The following PPP2R2B variants were observed in gnomAD, a reference collection of about 807,000 sequenced individuals.
PPP2R2B encodes protein phosphatase 2 regulatory subunit Bbeta.
A neutral mutation model predicts 46.0 loss-of-function variants in PPP2R2B; 5 were observed. The ratio of observed to expected loss-of-function variants is 0.11; its 90% CI spans 0.06 to 0.23. The LOEUF (loss-of-function observed/expected upper bound fraction) is 0.23. PPP2R2B is among the 10% of genes least tolerant of loss of function. The pLI, the probability that PPP2R2B is intolerant of heterozygous loss-of-function variation, is 1.00. For missense variants in PPP2R2B, 367 were observed against 575.0 expected (o/e 0.64, Z 3.70); for synonymous variants, 215 against 206.7 (o/e 1.04, Z -0.34).
chr5:146,593,010 A>G lies in PPP2R2B; in HGVS notation c.1013T>C (p.Ile338Thr). The change falls in exon 9 of 10, where the codon ATT becomes ACT. Residue 338 changes from isoleucine (I) to threonine (T), a missense_variant. Coordinates refer to ENST00000394411, the MANE Select transcript of PPP2R2B (RefSeq NM_181675.4). ...CCACACACACTCAAATTTATCAAAA[A>G]TGCAGTCATTTTCATAGAGGGAACA... ...KLCSLYENDC[I>T]FDKFECVWNG... 6.2e-7 allele frequency: 1 copy of G among 1,614,058 alleles called. No homozygotes were observed. Among genetic ancestry groups the G allele is most frequent in the Non-Finnish European group, 8.5e-7 (1 of 1,179,892 alleles).
chr5:147,038,682 C>G (rs1024280666), intron 1 of PPP2R2B, among the ~76,000 whole-genome samples: 14 of 152,026 alleles, frequency 9.2e-5, no homozygotes, highest in African/African-American at 2.9e-4. Flanking sequence ...GTTCATTATC[C>G]CAGTTTATCA....
chr5:147,022,522 T>G (rs1297130220), intron 1 of PPP2R2B, among the ~76,000 whole-genome samples: 2 of 151,462 alleles, frequency 1.3e-5, no homozygotes, highest in Admixed American at 1.3e-4. Context: ...ATCATGCCAC[T>G]GCACTCCAGC....
At chr5:146,972,319 G>A (rs1040327346) in intron 1 of PPP2R2B, among the ~76,000 whole-genome samples, 1 of 152,166 alleles carries the variant, frequency 6.6e-6, no homozygotes, top group African/African-American at 2.4e-5. Context: ...GTGGATTTAA[G>A]GTAGTGTTTG....
At chr5:147,009,443 A>G in intron 1 of PPP2R2B, among the ~76,000 whole-genome samples, 1 of 152,170 alleles carries the variant, frequency 6.6e-6, no homozygotes. Context: ...CTTTGAAAGC[A>G]GATAATCTAA....
chr5:146,609,516 C>G lies in PPP2R2B; in HGVS notation c.791-9056G>C, dbSNP rs190299271. Among the ~76,000 whole-genome samples, 1,194 of 152,272 alleles carry G rather than the reference C, an allele frequency of 7.8e-3. 19 individuals are homozygous for G. Among genetic ancestry groups the G allele is most frequent in the African/African-American group, 0.027 (1,128 of 41,564 alleles). ...CAAGATGGCCGAATAGGAACAGCTC[C>G]GGTCTACAGCTCCCAGCGTGAGCGA... On this transcript the variant is annotated intron_variant, in intron 7 of 9. Coordinates refer to ENST00000394411, the MANE Select transcript of PPP2R2B (RefSeq NM_181675.4).
At chr5:146,745,177 A>AGT (rs1205763390) in intron 2 of PPP2R2B, among the ~76,000 whole-genome samples, 1 of 111,514 alleles carries the variant, frequency 9.0e-6, no homozygotes, top group East Asian at 2.4e-4. Context: ...AGAGAGAGAG[A>AGT]GAGAGAGAGA....
At chr5:146,914,830 T>G (rs961123377) in intron 1 of PPP2R2B, among the ~76,000 whole-genome samples, 1 of 152,206 alleles carries the variant, frequency 6.6e-6, no homozygotes, top group Non-Finnish European at 1.5e-5. Context: ...AGTTGGCATA[T>G]CTTGTGTGGT....
intron 2 of PPP2R2B, among the ~76,000 whole-genome samples, chr5:146,861,806 C>T (rs1761018993): frequency 6.7e-6 from 1 of 149,752 alleles, no homozygotes; most frequent in South Asian, 2.1e-4. Context: ...TTTACATACC[C>T]TTTTTATCAT....
At position 146,589,255 on chromosome 5, in the gene PPP2R2B, C is replaced by CTCTT. The variant is rs1204168130; in HGVS notation, c.*688_*691dup. On this transcript the variant is annotated 3_prime_UTR_variant, in exon 10 of 10. Transcript: ENST00000394411. ...TGGGAAGCACTGTGTCGAAAGTGCT[C>CTCTT]TCTTTCTGTCCCCTGAAGCATTCAA... The CTCTT allele has an allele frequency of 6.6e-6, 1 of 152,244 alleles. No homozygotes were observed. The highest frequency in any genetic ancestry group is 2.4e-5 in the African/African-American group (1 of 41,438). The allele number at this position is 152,244 out of a possible 1,614,324, so 9.4% of individuals were successfully genotyped here. A position where few individuals can be genotyped will look rare whatever the true frequency, so the allele number is the denominator to read the frequency against.
intron 2 of PPP2R2B, among the ~76,000 whole-genome samples, chr5:146,850,291 C>A (rs1394174382): frequency 1.3e-5 from 2 of 152,088 alleles, no homozygotes; most frequent in African/African-American, 2.4e-5. Flanking sequence ...TATTCTAGAC[C>A]CTTTCCAATC....
chr5:146,778,900 G>A (rs1755342229), intron 2 of PPP2R2B, among the ~76,000 whole-genome samples: 1 of 152,182 alleles, frequency 6.6e-6, no homozygotes, highest in East Asian at 1.9e-4. Flanking sequence ...GCCCATCTAT[G>A]GAAAAACAGA....
At chr5:146,985,325 T>C (rs940527716) in intron 1 of PPP2R2B, among the ~76,000 whole-genome samples, 1 of 152,194 alleles carries the variant, frequency 6.6e-6, no homozygotes, top group Non-Finnish European at 1.5e-5. Context: ...GGCCTTAGTT[T>C]GCAAATATTT....
chr5:146,652,790 C>T (rs1480858605), intron 5 of PPP2R2B, among the ~76,000 whole-genome samples: 1 of 151,868 alleles, frequency 6.6e-6, no homozygotes, highest in East Asian at 1.9e-4. Flanking sequence ...GCCATTATTC[C>T]AAGTGAATAG....
At chr5:146,962,804 T>C (rs1316844746) in intron 1 of PPP2R2B, among the ~76,000 whole-genome samples, 2 of 152,276 alleles carry the variant, frequency 1.3e-5, no homozygotes, top group East Asian at 3.9e-4. Context: ...CAAAGCTAGA[T>C]AGTGGCAGAG....
intron 2 of PPP2R2B, among the ~76,000 whole-genome samples, chr5:147,067,027 A>C (rs1001307847): frequency 3.9e-5 from 6 of 152,192 alleles, no homozygotes; most frequent in African/African-American, 1.4e-4. Context: ...GAAAATGCTA[A>C]CATCTGCTAG....
At chr5:146,769,032 C>T (rs140759927) in intron 2 of PPP2R2B, among the ~76,000 whole-genome samples, 100 of 152,244 alleles carry the variant, frequency 6.6e-4, no homozygotes, top group African/African-American at 2.3e-3. Context: ...TATGTGCCAC[C>T]ATGCCTGGCT....
chr5:146,736,851 T>C (rs1752567759), intron 2 of PPP2R2B, among the ~76,000 whole-genome samples: 2 of 152,204 alleles, frequency 1.3e-5, no homozygotes, highest in Non-Finnish European at 2.9e-5. Context: ...CTCTAGTTGG[T>C]TCTTTTTAGA....
chr5:146,602,972 G>C (rs1454036596), intron 7 of PPP2R2B, among the ~76,000 whole-genome samples: 1 of 152,206 alleles, frequency 6.6e-6, no homozygotes, highest in African/African-American at 2.4e-5. Flanking sequence ...GAAATTCCAA[G>C]TAAAACACCT....
chr5:146,745,491 T>A (rs1753133410), intron 2 of PPP2R2B, among the ~76,000 whole-genome samples: 1 of 152,206 alleles, frequency 6.6e-6, no homozygotes, highest in Non-Finnish European at 1.5e-5. Flanking sequence ...TTAGTTATTG[T>A]CATAGGGATA....
Sources: allele counts gnomAD v4.1 joint callset (sites outside exome capture counted in the v4.1 genomes callset), GRCh38; gene constraint gnomAD v4.1.1; transcripts MANE v1.5; gene names NCBI Gene and HGNC (gene_info 2026-07-23, HGNC 2026-07-21).